The following PCDH7 variants were observed in gnomAD, a reference collection of about 807,000 sequenced individuals.
PCDH7 encodes protocadherin-7.
In PCDH7, 17 loss-of-function variants were observed where a neutral mutation model predicts 58.9. That is an observed-to-expected ratio of 0.29 (90% confidence interval 0.20 to 0.43). The LOEUF is 0.43. Ranked by LOEUF, PCDH7 falls within the 20% of genes least tolerant of loss-of-function variation. The pLI is 1.00. For synonymous variants in PCDH7, 664 were observed against 616.4 expected (o/e 1.08, Z -1.14); for missense variants, 1,274 against 1,441.0 (o/e 0.88, Z 1.88).
At chr4:31,032,436 C>T (rs947880262) in intron 3 of PCDH7, among the ~76,000 whole-genome samples, 2 of 151,908 alleles carry the variant, frequency 1.3e-5, no homozygotes, top group Admixed American at 6.6e-5. Flanking sequence ...GGCGAGACCT[C>T]GTCTCTACTA....
chr4:30,772,112 C>T (rs781538705), intron 1 of PCDH7, among the ~76,000 whole-genome samples: 2 of 152,076 alleles, frequency 1.3e-5, no homozygotes, highest in East Asian at 3.9e-4. Context: ...TCAGGTGATC[C>T]GCCCGCCTAA....
At chr4:31,038,669 G>A (rs1021082299) in intron 3 of PCDH7, among the ~76,000 whole-genome samples, 1 of 152,032 alleles carries the variant, frequency 6.6e-6, no homozygotes, top group Non-Finnish European at 1.5e-5. Flanking sequence ...TTCTGTTTGT[G>A]GGATTAGTCC....
chr4:30,745,014 A>G (rs1284205078), intron 1 of PCDH7, among the ~76,000 whole-genome samples: 1 of 152,180 alleles, frequency 6.6e-6, no homozygotes, highest in Non-Finnish European at 1.5e-5. Context: ...TCACCTTCAG[A>G]TGGAACTTTT....
chr4:30,879,065 G>T (rs558444109), intron 1 of PCDH7, among the ~76,000 whole-genome samples: 4 of 152,040 alleles, frequency 2.6e-5, no homozygotes, highest in African/African-American at 9.6e-5. Context: ...TCATTAAGAA[G>T]TGAAGCAAAG....
rs1202924428 is a variant in PCDH7, at chr4:30,739,240, C to A, written c.70+14644C>A. ...TAATACAGGATAAACTCATCAAAGT[C>A]CAGAAGGGGAAATTCCTCCTTCTTT... is the stretch of plus-strand genomic sequence containing the variant. On this transcript the variant is annotated intron_variant, in intron 1 of 3. Coordinates refer to the PCDH7 transcript ENST00000509759. Among the ~76,000 whole-genome samples, 4 of 147,756 alleles carry A rather than the reference C, an allele frequency of 2.7e-5. No homozygotes were observed. In the East Asian group the frequency reaches 6.6e-4, roughly 25 times the overall value.
chr4:31,076,271 A>T (rs1299767812), intron 3 of PCDH7, among the ~76,000 whole-genome samples: 1 of 152,208 alleles, frequency 6.6e-6, no homozygotes, highest in Non-Finnish European at 1.5e-5. Flanking sequence ...TGCATCCAGG[A>T]TATAATGTGT....
chr4:30,825,256 T>A (rs1283243849), intron 1 of PCDH7, among the ~76,000 whole-genome samples: 1 of 152,200 alleles, frequency 6.6e-6, no homozygotes, highest in Non-Finnish European at 1.5e-5. Context: ...GATCCACTTT[T>A]CAGTGTTAAC....
At chr4:31,111,658 G>A (rs181460327) in intron 3 of PCDH7, among the ~76,000 whole-genome samples, 1 of 152,034 alleles carries the variant, frequency 6.6e-6, no homozygotes, top group African/African-American at 2.4e-5. Flanking sequence ...TGTGAAACAG[G>A]GTATGTTCTA....
At chr4:30,805,684 T>A (rs1466049391) in intron 1 of PCDH7, among the ~76,000 whole-genome samples, 5 of 152,166 alleles carry the variant, frequency 3.3e-5, no homozygotes, top group African/African-American at 1.2e-4. Flanking sequence ...AATCCAGAGA[T>A]CATTTTTTGT....
Position 30,721,273 on chromosome 4 carries a change from C to T in PCDH7, c.-150C>T, listed in dbSNP as rs1713463304. On this transcript the variant is annotated 5_prime_UTR_variant, in exon 1 of 2. Coordinates refer to ENST00000361762, the Ensembl canonical transcript of PCDH7. The surrounding 1 kb of genome is among the most constrained non-coding windows in gnomAD (Gnocchi z 6.7). ...CCCATTCCCGGCCAACTCTCCACGC[C>T]GCTTTTGCCCCCTCCCTCCCCTCCC... 5 of 709,152 alleles carry T rather than the reference C, an allele frequency of 7.1e-6. No homozygotes were observed. Among genetic ancestry groups the T allele is most frequent in the Non-Finnish European group, 1.1e-5 (5 of 453,710 alleles). The allele number at this position is 709,152 out of a possible 1,614,324, so 43.9% of individuals were successfully genotyped here. A position where few individuals can be genotyped will look rare whatever the true frequency, so the allele number is the denominator to read the frequency against.
chr4:31,129,441 G>T (rs1383468180), intron 3 of PCDH7, among the ~76,000 whole-genome samples: 2 of 152,078 alleles, frequency 1.3e-5, no homozygotes, highest in Non-Finnish European at 2.9e-5. Flanking sequence ...TTCCAGAAAT[G>T]ATACCTACCT....
intron 3 of PCDH7, among the ~76,000 whole-genome samples, chr4:31,034,707 A>G (rs141142232): frequency 1.6e-3 from 243 of 152,258 alleles, no homozygotes; most frequent in African/African-American, 5.6e-3. Flanking sequence ...CATTTATCCT[A>G]TAATCTCGCC....
At chr4:30,729,478 C>T (rs1191328378) in intron 1 of PCDH7, among the ~76,000 whole-genome samples, 1 of 151,832 alleles carries the variant, frequency 6.6e-6, no homozygotes, top group Non-Finnish European at 1.5e-5. Context: ...TAATTGATAA[C>T]ATAGAGTAAA....
intron 3 of PCDH7, among the ~76,000 whole-genome samples, chr4:30,951,519 A>G (rs1480766024): frequency 6.6e-6 from 1 of 152,118 alleles, no homozygotes; most frequent in Non-Finnish European, 1.5e-5. Context: ...CAGAGGGTGC[A>G]ATCTTTCATG....
At chr4:31,033,848 C>A (rs1755161122) in intron 3 of PCDH7, among the ~76,000 whole-genome samples, 1 of 152,136 alleles carries the variant, frequency 6.6e-6, no homozygotes, top group African/African-American at 2.4e-5. Flanking sequence ...AATCCTAGCA[C>A]TTTGAGAGGC....
chr4:30,854,234 A>G (rs1733149840), intron 1 of PCDH7, among the ~76,000 whole-genome samples: 1 of 150,570 alleles, frequency 6.6e-6, no homozygotes, highest in Non-Finnish European at 1.5e-5. Context: ...ATTTTGGACT[A>G]TCTAATTCTT....
At chr4:30,929,039 T>A (rs1455627216) in intron 2 of PCDH7, among the ~76,000 whole-genome samples, 1 of 152,162 alleles carries the variant, frequency 6.6e-6, no homozygotes, top group Non-Finnish European at 1.5e-5. Flanking sequence ...TTCTCTCTGC[T>A]TATAAACATG....
chr4:31,134,010 C>A (rs1319979630), intron 3 of PCDH7, among the ~76,000 whole-genome samples: 2 of 152,096 alleles, frequency 1.3e-5, no homozygotes. Flanking sequence ...ACAGTGAAAT[C>A]CTGTAATTAA....
chr4:30,817,535 A>G (rs982809488), intron 1 of PCDH7, among the ~76,000 whole-genome samples: 1 of 152,214 alleles, frequency 6.6e-6, no homozygotes, highest in Non-Finnish European at 1.5e-5. Flanking sequence ...ATACATAAGA[A>G]TGAGATAAAG....
Sources: gnomAD v4.1 joint callset for allele counts (sites outside exome capture counted in the v4.1 genomes callset) on GRCh38, gnomAD v4.1.1 for gene constraint, Gnocchi (gnomAD v3.1) non-coding constraint, MANE v1.5 for transcripts, NCBI Gene and HGNC (gene_info 2026-07-23, HGNC 2026-07-21) for gene names.